TBC1D15: variants seen among roughly 807,000 people sequenced by gnomAD.
TBC1D15 encodes the protein GAP for RAB7.
A neutral mutation model predicts 95.4 loss-of-function variants in TBC1D15; 39 were observed. That is an observed-to-expected ratio of 0.41 (90% CI 0.32 to 0.53). The LOEUF (loss-of-function observed/expected upper bound fraction) is 0.53, where lower values mean the gene tolerates loss of function less well. TBC1D15 is among the 20% of genes least tolerant of loss of function. The probability of loss-of-function intolerance (pLI) is 0.29; values close to 1 mark genes in which losing one functional copy is unlikely to be tolerated. For synonymous variants in TBC1D15, 258 were observed against 261.3 expected, an observed-to-expected ratio of 0.99 and a Z score of 0.12; for missense variants, 733 against 794.3, an observed-to-expected ratio of 0.92 and a Z score of 0.93.
At chr12:71,917,251 T>C (rs76792133) in intron 12 of TBC1D15, among the ~76,000 whole-genome samples, 4,233 of 152,308 alleles carry the variant, frequency 0.028, 89 homozygotes, top group Non-Finnish European at 0.039. Flanking sequence ...GTTTTGGCTT[T>C]ACAGATTCTC....
At chr12:71,860,278 A>G (rs567594605) in intron 1 of TBC1D15, among the ~76,000 whole-genome samples, 1 of 152,150 alleles carries the variant, frequency 6.6e-6, no homozygotes, top group East Asian at 1.9e-4. Context: ...TTGTTTTTCA[A>G]TTTCTGGGAA....
chr12:71,920,176 G>A (rs80260049), intron 14 of TBC1D15, among the ~76,000 whole-genome samples: 1,987 of 152,096 alleles, frequency 0.013, 43 homozygotes, highest in African/African-American at 0.046. Flanking sequence ...TTGATCAAGC[G>A]TTTTCTATGT....
At chr12:71,881,117 G>A (rs1219011986) in intron 4 of TBC1D15, among the ~76,000 whole-genome samples, 1 of 152,122 alleles carries the variant, frequency 6.6e-6, no homozygotes, top group East Asian at 1.9e-4. Context: ...CTATATGTCA[G>A]TGGTCCCATA....
intron 9 of TBC1D15, among the ~76,000 whole-genome samples, chr12:71,896,997 AAAG>A (rs1350131793): frequency 5.3e-5 from 8 of 152,176 alleles, no homozygotes; most frequent in African/African-American, 1.9e-4. Flanking sequence ...GAATATGTAA[AAAG>A]AAGATAAACA....
intron 5 of TBC1D15, among the ~76,000 whole-genome samples, chr12:71,889,832 CTCTT>C (rs1381846861): frequency 6.6e-6 from 1 of 152,154 alleles, no homozygotes; most frequent in Non-Finnish European, 1.5e-5. Context: ...TGTTGTTCCT[CTCTT>C]TGTGTCCATG....
intron 1 of TBC1D15, among the ~76,000 whole-genome samples, chr12:71,846,743 T>C (rs1368740548): frequency 6.6e-6 from 1 of 151,496 alleles, no homozygotes; most frequent in Non-Finnish European, 1.5e-5. Flanking sequence ...ATGTAAATTA[T>C]TTTTTATACA....
chr12:71,884,723 A>G, intron 4 of TBC1D15, 88 bp from the exon 5 acceptor site: 1 of 1,250,016 alleles, frequency 8.0e-7, no homozygotes, highest in Non-Finnish European at 1.1e-6. Flanking sequence ...GGGTTCAACT[A>G]ATTTATGTTA....
intron 3 of TBC1D15, among the ~76,000 whole-genome samples, chr12:71,880,039 C>A (rs974275625): frequency 2.0e-5 from 3 of 152,116 alleles, no homozygotes; most frequent in African/African-American, 4.8e-5. Context: ...AATTATACAA[C>A]CATTGATGGC....
chr12:71,855,021 A>T (rs1423166285), intron 1 of TBC1D15, among the ~76,000 whole-genome samples: 1 of 152,194 alleles, frequency 6.6e-6, no homozygotes, highest in Non-Finnish European at 1.5e-5. Flanking sequence ...TATAAAGGAA[A>T]GAGGTTTAAT....
In TBC1D15 at chr12:71,849,941, C is replaced by T. The variant is rs111917302; in HGVS notation, c.30+10130C>T. On this transcript the variant is annotated intron_variant, in intron 1 of 16. Coordinates refer to ENST00000485960, the MANE Select transcript of TBC1D15 (RefSeq NM_001146213.3). ...GTGGCTGGAAAAGGCTAAGTTTCCC[C>T]TGAAGGGTGTTGATCCAGTATTGCA... 515 of 545,706 alleles carry T rather than the reference C, an allele frequency of 9.4e-4. 5 individuals carry two copies. The highest frequency in any genetic ancestry group is 9.0e-3 in the African/African-American group (465 of 51,896). The allele number at this position is 545,706 out of a possible 1,614,324, so 33.8% of individuals were successfully genotyped here. A position where few individuals can be genotyped will look rare whatever the true frequency, so the allele number is the denominator to read the frequency against.
chr12:71,849,179 CAAAA>C (rs1015053782), intron 1 of TBC1D15: 1 of 186,144 alleles, frequency 5.4e-6, no homozygotes, highest in African/African-American at 2.9e-5. Flanking sequence ...AAAAAAAAAA[CAAAA>C]AAAAAACAAA....
At chr12:71,851,951 T>C (rs328775) in intron 1 of TBC1D15, among the ~76,000 whole-genome samples, 35,672 of 152,142 alleles carry the variant, frequency 0.23, 5,158 homozygotes, top group African/African-American at 0.41. Flanking sequence ...TAGGCAGTGC[T>C]CTTGTGGAGG....
chr12:71,867,938 A>G (rs948235611), intron 1 of TBC1D15, among the ~76,000 whole-genome samples: 3 of 152,234 alleles, frequency 2.0e-5, no homozygotes, highest in Non-Finnish European at 4.4e-5. Context: ...TTGGAAGTAA[A>G]TTATGTACCA....
intron 1 of TBC1D15, 101 bp downstream of exon 1, chr12:71,839,912 G>C (rs1884475838): frequency 1.4e-6 from 2 of 1,463,276 alleles, no homozygotes; most frequent in Middle Eastern, 1.9e-4. Flanking sequence ...GACTTTCTGT[G>C]TCCGGACAAC....
At chr12:71,871,208 A>T (rs1398813452) in intron 1 of TBC1D15, among the ~76,000 whole-genome samples, 1 of 152,188 alleles carries the variant, frequency 6.6e-6, no homozygotes, top group African/African-American at 2.4e-5. Flanking sequence ...TCCCATAGGA[A>T]TTTATTCAAG....
At position 71,923,236 on chromosome 12, in the gene TBC1D15, T is replaced by G; in HGVS notation, c.*32T>G. The G allele has an allele frequency of 1.2e-6, 2 of 1,601,444 alleles. No homozygotes were observed. The highest frequency in any genetic ancestry group is 1.7e-6 in the Non-Finnish European group (2 of 1,169,700). ...TTCTTGCTTTTTTGGGAAGAGACAC[T>G]TTGTTGCAACCCTTTTTCAAGTACT... On this transcript the variant is annotated 3_prime_UTR_variant, in exon 17 of 17. Transcript: ENST00000485960.
intron 1 of TBC1D15, chr12:71,849,538 A>G (rs1887221238): frequency 1.5e-5 from 11 of 727,432 alleles, no homozygotes; most frequent in South Asian, 1.1e-4. Context: ...TGTAGATTCA[A>G]CTTCATTATC....
chr12:71,919,714 T>G lies in TBC1D15; in HGVS notation c.1600-1017T>G, dbSNP rs186459380. ...TGGGGGTTAAAAATGGGTTAATGTATTTATGCCTAGTGTTCCATTATTGGA... is the reference window on the plus strand; with the variant it reads ...TGGGGGTTAAAAATGGGTTAATGTAGTTATGCCTAGTGTTCCATTATTGGA... On this transcript the variant is annotated intron_variant, in intron 14 of 16. Coordinates refer to ENST00000485960, the MANE Select transcript of TBC1D15 (RefSeq NM_001146213.3). Among the ~76,000 whole-genome samples, 196 of 152,330 alleles carry G rather than the reference T, an allele frequency of 1.3e-3. 1 individual carries two copies. The highest frequency in any genetic ancestry group is 4.5e-3 in the African/African-American group (187 of 41,588).
intron 1 of TBC1D15, among the ~76,000 whole-genome samples, chr12:71,851,668 G>C (rs1233194988): frequency 6.6e-6 from 1 of 152,242 alleles, no homozygotes; most frequent in Non-Finnish European, 1.5e-5. Context: ...GCACATGCAA[G>C]CCTGAAACCC....
Sources: allele counts gnomAD v4.1 joint callset (sites outside exome capture counted in the v4.1 genomes callset), GRCh38; gene constraint gnomAD v4.1.1; transcripts MANE v1.5; gene names NCBI Gene and HGNC (gene_info 2026-07-23, HGNC 2026-07-21).